The following ATP8A1 variants were observed in gnomAD, a reference collection of about 807,000 sequenced individuals.
ATP8A1 encodes ATPase phospholipid transporting 8A1.
In ATP8A1, 90 loss-of-function variants were observed where a neutral mutation model predicts 177.7. That is an observed-to-expected ratio of 0.51 (90% confidence interval 0.43 to 0.60). The LOEUF is 0.60. Among genes scored for constraint, ATP8A1 ranks in the 20% least tolerant of loss-of-function variants. ATP8A1 has a pLI of 0.00. For missense variants in ATP8A1, 1,072 were observed against 1,392.8 expected, an observed-to-expected ratio of 0.77 and a Z score of 3.67; for synonymous variants, 493 against 485.9, an observed-to-expected ratio of 1.01 and a Z score of -0.19.
chr4:42,586,266 A>G, intron 9 of ATP8A1, 83 bp downstream of exon 9: 1 of 1,487,480 alleles, frequency 6.7e-7, no homozygotes, highest in Non-Finnish European at 9.1e-7. Flanking sequence ...ACAAGAAGAT[A>G]ATATGTATCC....
chr4:42,531,856 C>T (rs1051023137), intron 20 of ATP8A1, among the ~76,000 whole-genome samples: 1 of 152,108 alleles, frequency 6.6e-6, no homozygotes, highest in African/African-American at 2.4e-5. Flanking sequence ...CGGTGGCTCA[C>T]ACCTGTAATC....
intron 4 of ATP8A1, among the ~76,000 whole-genome samples, chr4:42,617,851 A>G (rs987587969): frequency 6.6e-6 from 1 of 152,200 alleles, no homozygotes; most frequent in African/African-American, 2.4e-5. Context: ...TCATGAAACA[A>G]GTGTGTTGAA....
intron 25 of ATP8A1, among the ~76,000 whole-genome samples, chr4:42,468,472 T>C (rs1035544994): frequency 1.3e-5 from 2 of 151,458 alleles, no homozygotes; most frequent in South Asian, 2.1e-4. Context: ...CATACACATA[T>C]ATGAATGAGA....
chr4:42,600,599 G>T lies in ATP8A1; in HGVS notation c.410-81C>A. 5 of 1,298,452 alleles carry T rather than the reference G, an allele frequency of 3.9e-6. No homozygotes were observed. In the South Asian group the frequency reaches 4.1e-5, roughly 11 times the overall value. 80.4% of individuals were successfully genotyped at this position (1,298,452 alleles called of 1,614,324 possible). On this transcript the variant is annotated intron_variant, in intron 5 of 36. Coordinates refer to ENST00000381668, the MANE Select transcript of ATP8A1 (RefSeq NM_006095.2). ...TTCTGATGAAATAATAATTTTAAACGAATAGCTTCAGTCAAAATAACTAGT... is the reference window on the plus strand; with the variant it reads ...TTCTGATGAAATAATAATTTTAAACTAATAGCTTCAGTCAAAATAACTAGT...
At chr4:42,468,444 CACACACACAGACACACACATACACAT>C (rs1720040575) in intron 25 of ATP8A1, among the ~76,000 whole-genome samples, 1 of 151,812 alleles carries the variant, frequency 6.6e-6, no homozygotes, top group East Asian at 1.9e-4. Flanking sequence ...CACACACACA[CACACACACAGACACACACATACACAT>C]ATATGAATGA....
chr4:42,436,085 G>A (rs977457309), intron 33 of ATP8A1, among the ~76,000 whole-genome samples: 5 of 152,116 alleles, frequency 3.3e-5, no homozygotes, highest in Admixed American at 3.3e-4. Context: ...GAATGAATGC[G>A]ACAATGAATT....
intron 20 of ATP8A1, among the ~76,000 whole-genome samples, chr4:42,534,645 C>G (rs1727594727): frequency 6.6e-6 from 1 of 152,088 alleles, no homozygotes; most frequent in Non-Finnish European, 1.5e-5. Context: ...CATCCAAATA[C>G]AAGAAACTCA....
chr4:42,434,240 G>A (rs1214498602), intron 33 of ATP8A1, among the ~76,000 whole-genome samples: 1 of 152,070 alleles, frequency 6.6e-6, no homozygotes, highest in Non-Finnish European at 1.5e-5. Flanking sequence ...TATTAAGTAA[G>A]TTGTATGAGA....
intron 20 of ATP8A1, among the ~76,000 whole-genome samples, chr4:42,533,943 C>G (rs956654262): frequency 5.9e-5 from 9 of 152,082 alleles, no homozygotes; most frequent in South Asian, 4.2e-4. Context: ...CCGTTTGGCT[C>G]TCAGTAAGCC....
chr4:42,443,643 G>C lies in ATP8A1; in HGVS notation c.3045C>G (p.Ile1015Met), dbSNP rs762946178. 1 of 1,562,780 alleles carries C rather than the reference G, an allele frequency of 6.4e-7. No individual in the cohort carries two copies. The highest frequency in any genetic ancestry group is 8.8e-7 in the Non-Finnish European group (1 of 1,133,358). Residue 1015 changes from isoleucine to methionine, a missense_variant, in exon 33 of 37, where the codon ATC (isoleucine) becomes ATG (methionine). Physicochemically the swap from Ile to Met is conservative, Grantham distance 10. Around this residue, in one of 5 missense-constraint regions of ATP8A1, gnomAD observed 316 missense variants for 459.1 expected, o/e 0.69. Transcript: ENST00000381668. ...WFSHIAIWGS[I>M]ALWVVFFGIY... Reference sequence around the variant, plus strand: ...TTCCAAAAAACACCACCCAGAGTGCGATGCTCCCCCATATCGCTATGTGGC... The same window carrying C: ...TTCCAAAAAACACCACCCAGAGTGCCATGCTCCCCCATATCGCTATGTGGC...
intron 30 of ATP8A1, among the ~76,000 whole-genome samples, chr4:42,449,042 G>T (rs1717632535): frequency 6.6e-6 from 1 of 151,638 alleles, no homozygotes; most frequent in Admixed American, 6.6e-5. Context: ...TGCCATGTTG[G>T]CCAGGCTGGT....
Position 42,586,335 on chromosome 4 carries a change from C to T in ATP8A1, c.722+14G>A, listed in dbSNP as rs368960825. The T allele has an allele frequency of 3.8e-5, 61 of 1,612,572 alleles. No individual in the cohort carries two copies. Among genetic ancestry groups the T allele is most frequent in the South Asian group, 2.3e-4 (21 of 90,788 alleles). On this transcript the variant is annotated intron_variant, in intron 9 of 36. Transcript: ENST00000381668. ...AGTGGATTCTGTGTTTTTATAAAGA[C>T]GGATTTTACATACCCATGTCCATCA...
At chr4:42,566,823 G>A (rs912699516) in intron 15 of ATP8A1, among the ~76,000 whole-genome samples, 1 of 152,060 alleles carries the variant, frequency 6.6e-6, no homozygotes, top group Non-Finnish European at 1.5e-5. Flanking sequence ...TTATAATTTG[G>A]GGCAAACTGC....
intron 12 of ATP8A1, 142 bp downstream of exon 12, chr4:42,578,118 T>C: frequency 3.8e-6 from 3 of 779,584 alleles, no homozygotes; most frequent in South Asian, 2.7e-5. Flanking sequence ...ATGAGGAACT[T>C]TGCAACAAAT....
At chr4:42,637,136 C>T (rs1183533040) in intron 1 of ATP8A1, 3 of 518,980 alleles carry the variant, frequency 5.8e-6, no homozygotes, top group African/African-American at 1.9e-5. Context: ...GCCCTGTTCC[C>T]TGTACCTCAA....
chr4:42,575,908 C>A (rs1404999140), intron 12 of ATP8A1, among the ~76,000 whole-genome samples: 1 of 152,110 alleles, frequency 6.6e-6, no homozygotes, highest in East Asian at 1.9e-4. Flanking sequence ...ACAGTAAGGG[C>A]AGAACAGTAT....
intron 5 of ATP8A1, among the ~76,000 whole-genome samples, chr4:42,610,035 T>C (rs893669924): frequency 6.6e-6 from 1 of 152,160 alleles, no homozygotes; most frequent in Admixed American, 6.5e-5. Context: ...ACGCTCATAT[T>C]AGTCCTTTCA....
At chr4:42,656,691 A>T in intron 1 of ATP8A1, 134 bp downstream of exon 1, 2 of 1,086,110 alleles carry the variant, frequency 1.8e-6, no homozygotes, top group Non-Finnish European at 2.5e-6. Context: ...AGGGTCCCCT[A>T]GGGGCCGGGC....
rs548540633 is a variant in ATP8A1, at chr4:42,551,297, G to C, written c.1520-17C>G. ...CTCCCTCATCTGTTTTAGAAAAAGA[G>C]GTAAAAGCAAACACATGATTGAAAA... is the stretch of plus-strand genomic sequence containing the variant. On this transcript the variant is annotated splice_polypyrimidine_tract_variant and intron_variant, in intron 17 of 36. Transcript: ENST00000381668. 5.0e-6 allele frequency: 8 copies of C among 1,595,454 alleles called. No individual in the cohort carries two copies. The highest frequency in any genetic ancestry group is 6.9e-6 in the Non-Finnish European group (8 of 1,163,928).
Sources: allele counts gnomAD v4.1 joint callset (sites outside exome capture counted in the v4.1 genomes callset), GRCh38; gene constraint gnomAD v4.1.1; regional missense constraint gnomAD v4.1.1; transcripts MANE v1.5; gene names NCBI Gene and HGNC (gene_info 2026-07-23, HGNC 2026-07-21).